DOCK3: variants seen among roughly 807,000 people sequenced by gnomAD.
DOCK3 encodes dedicator of cytokinesis 3, also known as dedicator of cytokinesis protein 3.
Under a neutral mutation model 265.6 loss-of-function variants are expected in DOCK3, and 60 were observed. The ratio of observed to expected loss-of-function variants is 0.23; its 90% CI spans 0.18 to 0.28. The LOEUF is 0.28. Ranked by LOEUF, DOCK3 falls within the 10% of genes least tolerant of loss-of-function variation. The probability of loss-of-function intolerance (pLI) is 1.00; values close to 1 mark genes in which losing one functional copy is unlikely to be tolerated. For missense variants in DOCK3, 1,981 were observed against 2,594.3 expected, an observed-to-expected ratio of 0.76 and a Z score of 5.14; for synonymous variants, 881 against 938.0, an observed-to-expected ratio of 0.94 and a Z score of 1.11.
intron 5 of DOCK3, among the ~76,000 whole-genome samples, chr3:51,021,479 A>T (rs1427011314): frequency 6.6e-6 from 1 of 152,166 alleles, no homozygotes; most frequent in Non-Finnish European, 1.5e-5. Flanking sequence ...AGTATAAATT[A>T]TCCAAATTCC....
intron 3 of DOCK3, among the ~76,000 whole-genome samples, chr3:50,847,415 T>C (rs1434963967): frequency 2.0e-5 from 3 of 152,226 alleles, no homozygotes; most frequent in Non-Finnish European, 2.9e-5. Flanking sequence ...TTGGAATATG[T>C]TCTGATTCCA....
In DOCK3 at chr3:51,208,804, C is replaced by A; in HGVS notation, c.1068C>A (p.Ile356=). The change falls in exon 13 of 53, where the codon ATC becomes ATA. Residue 356 remains isoleucine, a synonymous_variant. Coordinates refer to ENST00000266037, the MANE Select transcript of DOCK3 (RefSeq NM_004947.5). ...TCNNESEWSQ[I]HENIIRKSSA... is the part of the protein sequence containing the mutation. ...ACAACGAGAGTGAGTGGTCCCAGAT[C>A]CACGAGAACATCATCCGAAAGTCCA... The A allele has an allele frequency of 6.2e-7, 1 of 1,611,892 alleles. No homozygotes were observed. The highest frequency in any genetic ancestry group is 8.5e-7 in the Non-Finnish European group (1 of 1,179,154).
chr3:50,938,645 C>A (rs1204590588), intron 5 of DOCK3, among the ~76,000 whole-genome samples: 1 of 151,832 alleles, frequency 6.6e-6, no homozygotes, highest in Non-Finnish European at 1.5e-5. Flanking sequence ...AATTAACCCA[C>A]TACTAAATGA....
intron 2 of DOCK3, among the ~76,000 whole-genome samples, chr3:50,781,320 T>C (rs1264310748): frequency 7.4e-6 from 1 of 134,862 alleles, no homozygotes; most frequent in Admixed American, 8.4e-5. Flanking sequence ...CAGGCTGGAG[T>C]GCAGTGGTGC....
chr3:50,696,927 A>ATT lies in DOCK3; in HGVS notation c.37+21643_37+21644dup, dbSNP rs1193760650. ...CTGATTTTCTGACACATAGCACTGAATTTTTTTTTTTTTTTTTAAGAGAGA... is the reference window on the plus strand; with the variant it reads ...CTGATTTTCTGACACATAGCACTGAATTTTTTTTTTTTTTTTTTTAAGAGAGA... On this transcript the variant is annotated intron_variant, in intron 1 of 52. Transcript: ENST00000266037. 2.8e-4 allele frequency among the ~76,000 whole-genome samples: 39 copies of ATT among 139,610 alleles called. No individual in the cohort carries two copies. The Middle Eastern group carries it at 0.018, about 66-fold the overall frequency. The allele number at this position is 139,610 out of a possible 152,430, so 91.6% of individuals were successfully genotyped here.
In DOCK3 at chr3:51,374,244, T is replaced by C. The variant is rs570543634; in HGVS notation, c.5294-225T>C. On this transcript the variant is annotated intron_variant, in intron 49 of 52. Transcript: ENST00000266037. This position sits in a 1 kb window ranked among gnomAD's most constrained non-coding sequence, Gnocchi z 4.8. Reference sequence around the variant, plus strand: ...TGGGGACTCTGTCAGCGGATCTGCATCTCACCAGCCTGCTGTATGTCAGCC... The same window carrying C: ...TGGGGACTCTGTCAGCGGATCTGCACCTCACCAGCCTGCTGTATGTCAGCC... Among the ~76,000 whole-genome samples, 2 of 152,302 alleles carry C rather than the reference T, an allele frequency of 1.3e-5. No homozygotes were observed. Among genetic ancestry groups the C allele is most frequent in the African/African-American group, 4.8e-5 (2 of 41,558 alleles).
chr3:50,745,180 G>A (rs991524051), intron 1 of DOCK3, among the ~76,000 whole-genome samples: 3 of 152,042 alleles, frequency 2.0e-5, no homozygotes, highest in Non-Finnish European at 2.9e-5. Context: ...CAAGTAGCTG[G>A]AATTATAGGG....
At chr3:51,035,619 T>C (rs556177576) in intron 5 of DOCK3, among the ~76,000 whole-genome samples, 1 of 152,292 alleles carries the variant, frequency 6.6e-6, no homozygotes, top group East Asian at 1.9e-4. Context: ...TCCTGGCTTA[T>C]CAGATGTTGG....
At chr3:51,256,190 A>G (rs1016537263) in intron 22 of DOCK3, among the ~76,000 whole-genome samples, 13 of 152,194 alleles carry the variant, frequency 8.5e-5, no homozygotes, top group African/African-American at 3.1e-4. Flanking sequence ...GGAAATGCAG[A>G]AATCACCTGT....
intron 7 of DOCK3, among the ~76,000 whole-genome samples, chr3:51,082,318 G>A (rs2082270972): frequency 6.6e-6 from 1 of 151,938 alleles, no homozygotes; most frequent in Non-Finnish European, 1.5e-5. Flanking sequence ...CACACCCCTG[G>A]AGCCCTGCTG....
At chr3:50,870,903 T>C (rs1213863789) in intron 3 of DOCK3, among the ~76,000 whole-genome samples, 1 of 152,120 alleles carries the variant, frequency 6.6e-6, no homozygotes, top group Non-Finnish European at 1.5e-5. Flanking sequence ...AAAACTTCAC[T>C]TTAATTCCCC....
chr3:51,041,192 ATATATATATATATTTTTTTTTTTTTTTT>A (rs1205420972), intron 5 of DOCK3, among the ~76,000 whole-genome samples: 76 of 15,286 alleles, frequency 5.0e-3, no homozygotes, highest in Non-Finnish European at 7.6e-3. Flanking sequence ...ATATATATAT[ATATATATATATATTTTTTTTTTTTTTTT>A]TTTTTTTTTT....
chr3:50,814,389 C>A (rs1429522376), intron 2 of DOCK3, among the ~76,000 whole-genome samples: 1 of 151,816 alleles, frequency 6.6e-6, no homozygotes, highest in Non-Finnish European at 1.5e-5. Context: ...ACCTCAGACT[C>A]CTGAGTAGCC....
At chr3:51,293,373 A>G (rs1391533832) in intron 27 of DOCK3, among the ~76,000 whole-genome samples, 2 of 152,186 alleles carry the variant, frequency 1.3e-5, no homozygotes, top group African/African-American at 4.8e-5. Context: ...ACACACAATG[A>G]AAAAAGGAGA....
At chr3:50,871,143 C>T (rs923578775) in intron 3 of DOCK3, among the ~76,000 whole-genome samples, 3 of 151,986 alleles carry the variant, frequency 2.0e-5, no homozygotes, top group Non-Finnish European at 2.9e-5. Flanking sequence ...TGTCGTCATC[C>T]TTTTTCTTTC....
chr3:50,745,534 T>C lies in DOCK3; in HGVS notation c.38-33141T>C, dbSNP rs577694990. Among the ~76,000 whole-genome samples, 8 of 152,228 alleles carry C rather than the reference T, an allele frequency of 5.3e-5. No homozygotes were observed. The South Asian group carries it at 1.7e-3, about 31-fold the overall frequency. On this transcript the variant is annotated intron_variant, in intron 1 of 52. Coordinates refer to ENST00000266037, the MANE Select transcript of DOCK3 (RefSeq NM_004947.5). ...TTCCTAATTGTTTTATTCTCTTTCA[T>C]GTTGCCGTAAATGGAAAGTGATCAA...
intron 2 of DOCK3, among the ~76,000 whole-genome samples, chr3:50,826,855 T>G (rs979931617): frequency 3.0e-4 from 46 of 152,144 alleles, no homozygotes; most frequent in Middle Eastern, 3.4e-3. Context: ...TCGTTGAAAA[T>G]TAGAGAAGAT....
chr3:50,758,131 T>A (rs1280501983), intron 1 of DOCK3, among the ~76,000 whole-genome samples: 1 of 122,544 alleles, frequency 8.2e-6, no homozygotes, highest in African/African-American at 3.2e-5. Flanking sequence ...TGAGCCGAGA[T>A]CGCGCCACTG....
chr3:50,774,205 TC>T (rs1306515628), intron 1 of DOCK3, among the ~76,000 whole-genome samples: 2 of 152,046 alleles, frequency 1.3e-5, no homozygotes, highest in Non-Finnish European at 2.9e-5. Flanking sequence ...ACCTCCTTCA[TC>T]CTTTGCATTT....
Sources: allele counts gnomAD v4.1 joint callset (sites outside exome capture counted in the v4.1 genomes callset), GRCh38; gene constraint gnomAD v4.1.1; non-coding constraint Gnocchi (gnomAD v3.1); transcripts MANE v1.5; gene names NCBI Gene and HGNC (gene_info 2026-07-23, HGNC 2026-07-21).